The following NRG3 variants were observed in gnomAD, a reference collection of about 807,000 sequenced individuals.
NRG3 encodes the protein pro-neuregulin-3, membrane-bound isoform.
Under a neutral mutation model 66.9 loss-of-function variants are expected in NRG3, and 31 were observed. The observed-to-expected ratio is 0.46, with a 90% CI of 0.35 to 0.63. The LOEUF (loss-of-function observed/expected upper bound fraction) is 0.63, where lower values mean the gene tolerates loss of function less well. Ranked by LOEUF, NRG3 falls within the 20% of genes least tolerant of loss-of-function variation. The probability of loss-of-function intolerance (pLI) is 0.00; values close to 1 mark genes in which losing one functional copy is unlikely to be tolerated. For missense variants in NRG3, 910 were observed against 878.9 expected (o/e 1.04, Z -0.45); for synonymous variants, 393 against 359.4 (o/e 1.09, Z -1.06).
chr10:81,919,770 A>G lies in NRG3; in HGVS notation c.823+43607A>G, dbSNP rs546587120. 9.9e-5 allele frequency among the ~76,000 whole-genome samples: 15 copies of G among 152,246 alleles called. No homozygotes were observed. In the South Asian group the frequency reaches 1.2e-3, roughly 13 times the overall value. ...AGGCACTCGACAAAATGAGACACCC[A>G]TGAATGTCCAGAGGTATCACCTCAG... On this transcript the variant is annotated intron_variant, in intron 1 of 8. Coordinates refer to ENST00000372141, the MANE Select transcript of NRG3 (RefSeq NM_001010848.4).
intron 1 of NRG3, among the ~76,000 whole-genome samples, chr10:82,023,369 G>A (rs563385765): frequency 1.4e-4 from 22 of 151,878 alleles, no homozygotes; most frequent in Non-Finnish European, 2.6e-4. Context: ...GCCCAATTGT[G>A]CTGGCTGGAA....
intron 1 of NRG3, among the ~76,000 whole-genome samples, chr10:82,105,599 G>T (rs1262987394): frequency 6.6e-6 from 1 of 152,082 alleles, no homozygotes; most frequent in Non-Finnish European, 1.5e-5. Flanking sequence ...ACATTTATTT[G>T]TTTGTTTGCT....
rs139969151 is a variant in NRG3, at chr10:82,963,585, C to T, written c.1284+4510C>T. On this transcript the variant is annotated intron_variant, in intron 6 of 8. Transcript: ENST00000372141. ...GTCCCAGCTACTTGGGAGGCTGAGG[C>T]GGGAGAATTACGTGAACCCAGGAGG... Among the ~76,000 whole-genome samples, 145 of 152,140 alleles carry T rather than the reference C, an allele frequency of 9.5e-4. 3 individuals carry two copies. The East Asian group carries it at 0.023, about 24-fold the overall frequency.
intron 2 of NRG3, among the ~76,000 whole-genome samples, chr10:82,629,459 C>T (rs749481417): frequency 2.1e-4 from 32 of 152,160 alleles, no homozygotes; most frequent in Non-Finnish European, 4.1e-4. Context: ...CCATTCTGGT[C>T]GGTAAGCAAG....
intron 4 of NRG3, 99 bp from the exon 5 acceptor site, chr10:82,951,370 G>T (rs1199798791): frequency 5.9e-6 from 5 of 852,756 alleles, no homozygotes; most frequent in East Asian, 2.5e-5. Context: ...CAAAAAGTTG[G>T]CTTTGAAAGA....
intron 2 of NRG3, among the ~76,000 whole-genome samples, chr10:82,415,242 A>G (rs1435564913): frequency 1.3e-5 from 2 of 152,104 alleles, no homozygotes; most frequent in East Asian, 1.9e-4. Flanking sequence ...TCACTTTTTC[A>G]CCTATTTTTA....
chr10:82,889,666 C>G (rs1776488368), intron 4 of NRG3, among the ~76,000 whole-genome samples: 1 of 152,124 alleles, frequency 6.6e-6, no homozygotes. Flanking sequence ...AGCCCTGCTT[C>G]CAGAAGAAAC....
At chr10:82,017,771 C>G (rs980503466) in intron 1 of NRG3, among the ~76,000 whole-genome samples, 20 of 152,178 alleles carry the variant, frequency 1.3e-4, no homozygotes, top group African/African-American at 4.6e-4. Flanking sequence ...CCTTCGCCCA[C>G]TTGTTGATGG....
intron 2 of NRG3, among the ~76,000 whole-genome samples, chr10:82,603,236 G>A (rs1160949673): frequency 6.6e-6 from 1 of 152,138 alleles, no homozygotes; most frequent in Admixed American, 6.6e-5. Flanking sequence ...GTGTCATTGG[G>A]AATGTGGCTG....
At chr10:82,822,117 G>A (rs1029533059) in intron 3 of NRG3, among the ~76,000 whole-genome samples, 4 of 152,076 alleles carry the variant, frequency 2.6e-5, no homozygotes, top group Admixed American at 2.6e-4. Context: ...CAGAACTGGC[G>A]AAAACAGCTC....
chr10:82,150,123 G>A (rs1187704509), intron 1 of NRG3, among the ~76,000 whole-genome samples: 1 of 152,082 alleles, frequency 6.6e-6, no homozygotes, highest in African/African-American at 2.4e-5. Context: ...AGCAACTAAA[G>A]GATTAACAGG....
At chr10:81,890,509 C>T (rs1046298857) in intron 1 of NRG3, among the ~76,000 whole-genome samples, 5 of 152,094 alleles carry the variant, frequency 3.3e-5, no homozygotes, top group African/African-American at 9.7e-5. Context: ...CAAAATTAAC[C>T]TTTGCCATGA....
chr10:82,239,158 G>A (rs1195838696), intron 1 of NRG3, among the ~76,000 whole-genome samples: 2 of 151,632 alleles, frequency 1.3e-5, no homozygotes, highest in Non-Finnish European at 2.9e-5. Context: ...AAATATTTTT[G>A]TATTGTATTC....
intron 2 of NRG3, among the ~76,000 whole-genome samples, chr10:82,685,698 A>G (rs1285453965): frequency 1.3e-5 from 2 of 152,220 alleles, no homozygotes; most frequent in East Asian, 3.8e-4. Context: ...TTTAAAATAC[A>G]CATTGTACAG....
intron 1 of NRG3, among the ~76,000 whole-genome samples, chr10:82,298,778 G>A (rs1344352524): frequency 1.3e-5 from 2 of 152,116 alleles, no homozygotes; most frequent in African/African-American, 4.8e-5. Context: ...TGGCAGCAAG[G>A]GCCACTCTGG....
chr10:82,393,532 G>C (rs865899817), intron 2 of NRG3, among the ~76,000 whole-genome samples: 4 of 152,188 alleles, frequency 2.6e-5, no homozygotes, highest in African/African-American at 9.7e-5. Flanking sequence ...AGGAAGTTAG[G>C]AATCTGCCAT....
chr10:82,284,635 A>C (rs2079312535), intron 1 of NRG3, among the ~76,000 whole-genome samples: 1 of 152,022 alleles, frequency 6.6e-6, no homozygotes, highest in Non-Finnish European at 1.5e-5. Context: ...TTTTGTTTGT[A>C]TTTCTCTTCT....
intron 1 of NRG3, among the ~76,000 whole-genome samples, chr10:82,114,427 A>G (rs569163709): frequency 2.6e-5 from 4 of 152,284 alleles, no homozygotes; most frequent in African/African-American, 7.2e-5. Flanking sequence ...AAAAATTCAA[A>G]TTATTTTCAG....
At chr10:82,422,056 G>GT (rs1037992126) in intron 2 of NRG3, among the ~76,000 whole-genome samples, 10 of 152,178 alleles carry the variant, frequency 6.6e-5, no homozygotes, top group African/African-American at 2.4e-4. Flanking sequence ...TGATCGTTTA[G>GT]TTAAGCAACA....
Sources: gnomAD v4.1 joint callset for allele counts (sites outside exome capture counted in the v4.1 genomes callset) on GRCh38, gnomAD v4.1.1 for gene constraint, MANE v1.5 for transcripts, NCBI Gene and HGNC (gene_info 2026-07-23, HGNC 2026-07-21) for gene names.